The following CCDC148 variants were observed in gnomAD, a reference collection of about 807,000 sequenced individuals.
CCDC148 encodes coiled-coil domain-containing protein 148.
A neutral mutation model predicts 85.7 loss-of-function variants in CCDC148; 89 were observed. The ratio of observed to expected loss-of-function variants is 1.04; its 90% CI spans 0.87 to 1.24. The LOEUF (loss-of-function observed/expected upper bound fraction) is 1.24, where lower values mean the gene tolerates loss of function less well. Among genes scored for constraint, CCDC148 ranks in the 50% most tolerant of loss-of-function variants. The pLI, the probability that CCDC148 is intolerant of heterozygous loss-of-function variation, is 0.00. For synonymous variants in CCDC148, 230 were observed against 213.9 expected (o/e 1.08, Z -0.66); for missense variants, 692 against 671.7 (o/e 1.03, Z -0.33).
intron 1 of CCDC148, among the ~76,000 whole-genome samples, chr2:158,397,978 T>G (rs1559119570): frequency 6.6e-6 from 1 of 152,134 alleles, no homozygotes; most frequent in Non-Finnish European, 1.5e-5. Context: ...ATTACAATCC[T>G]GGTCTCTGAT....
At chr2:158,436,931 A>C (rs1320288017) in intron 1 of CCDC148, among the ~76,000 whole-genome samples, 1 of 152,252 alleles carries the variant, frequency 6.6e-6, no homozygotes, top group Non-Finnish European at 1.5e-5. Flanking sequence ...AACCAGGAAG[A>C]AGTTGAATCT....
intron 1 of CCDC148, among the ~76,000 whole-genome samples, chr2:158,422,323 G>A (rs191409418): frequency 5.3e-5 from 8 of 152,074 alleles, no homozygotes; most frequent in African/African-American, 1.9e-4. Context: ...TTCCTTTATT[G>A]AGGAAAAATC....
chr2:158,175,281 A>C (rs1397121472), intron 13 of CCDC148, among the ~76,000 whole-genome samples: 1 of 151,880 alleles, frequency 6.6e-6, no homozygotes, highest in Non-Finnish European at 1.5e-5. Flanking sequence ...ATCTAGAGAC[A>C]CCTCTTAAAC....
chr2:158,288,037 G>A (rs1271363734), intron 9 of CCDC148, among the ~76,000 whole-genome samples: 1 of 152,162 alleles, frequency 6.6e-6, no homozygotes, highest in African/African-American at 2.4e-5. Flanking sequence ...AGGCTGCCAG[G>A]GCTTGGGGCT....
At chr2:158,216,806 T>C (rs1686887840) in intron 11 of CCDC148, among the ~76,000 whole-genome samples, 1 of 152,170 alleles carries the variant, frequency 6.6e-6, no homozygotes, top group Non-Finnish European at 1.5e-5. Flanking sequence ...TTTTGTGATG[T>C]AAAAGTCAAT....
intron 7 of CCDC148, among the ~76,000 whole-genome samples, chr2:158,315,361 C>T (rs1448514639): frequency 6.6e-6 from 1 of 152,174 alleles, no homozygotes; most frequent in Admixed American, 6.5e-5. Context: ...AACATAAATG[C>T]ATTTTAATAG....
At chr2:158,328,721 T>A (rs1403027557) in intron 7 of CCDC148, among the ~76,000 whole-genome samples, 1 of 152,222 alleles carries the variant, frequency 6.6e-6, no homozygotes, top group African/African-American at 2.4e-5. Context: ...TGGTGTGAGA[T>A]GGTATCTCAT....
intron 1 of CCDC148, among the ~76,000 whole-genome samples, chr2:158,396,809 T>C (rs1353520122): frequency 1.3e-5 from 2 of 152,016 alleles, no homozygotes; most frequent in African/African-American, 2.4e-5. Context: ...ACTACTACTA[T>C]TATTATTATT....
chr2:158,273,233 G>T (rs1185234879), intron 9 of CCDC148, among the ~76,000 whole-genome samples: 1 of 152,152 alleles, frequency 6.6e-6, no homozygotes, highest in Non-Finnish European at 1.5e-5. Flanking sequence ...ATGAAGATGG[G>T]TTAAAAGTCT....
intron 9 of CCDC148, among the ~76,000 whole-genome samples, chr2:158,254,808 A>T (rs1688945514): frequency 6.6e-6 from 1 of 151,608 alleles, no homozygotes. Context: ...ATGTCCTGTG[A>T]TTTAAAGAAG....
At chr2:158,405,661 T>A (rs1218600846) in intron 1 of CCDC148, among the ~76,000 whole-genome samples, 1 of 150,960 alleles carries the variant, frequency 6.6e-6, no homozygotes, top group Non-Finnish European at 1.5e-5. Flanking sequence ...TTAATTAGCA[T>A]TAAACATTAA....
intron 1 of CCDC148, among the ~76,000 whole-genome samples, chr2:158,429,252 T>C (rs1488490212): frequency 1.3e-5 from 2 of 152,080 alleles, no homozygotes; most frequent in South Asian, 2.1e-4. Flanking sequence ...AACCTGCACA[T>C]TGAGCACATG....
chr2:158,188,480 T>TA (rs150464369), intron 11 of CCDC148, among the ~76,000 whole-genome samples: 8,338 of 151,894 alleles, frequency 0.055, 770 homozygotes, highest in African/African-American at 0.19. Context: ...GCCAACTGCC[T>TA]ATTATGGACA....
chr2:158,430,954 A>T (rs1195265639), intron 1 of CCDC148, among the ~76,000 whole-genome samples: 1 of 152,102 alleles, frequency 6.6e-6, no homozygotes, highest in African/African-American at 2.4e-5. Context: ...ATGTCATTGG[A>T]TGGAATTAAT....
intron 1 of CCDC148, among the ~76,000 whole-genome samples, chr2:158,369,744 G>T (rs879445248): frequency 4.0e-5 from 6 of 151,396 alleles, no homozygotes; most frequent in Non-Finnish European, 7.4e-5. Flanking sequence ...TCCTTGTCTT[G>T]TGCCAGTTTT....
At chr2:158,286,799 G>C (rs114496217) in intron 9 of CCDC148, among the ~76,000 whole-genome samples, 1 of 151,986 alleles carries the variant, frequency 6.6e-6, no homozygotes, top group African/African-American at 2.4e-5. Context: ...AGTAATATTA[G>C]ACATTTACCT....
intron 9 of CCDC148, among the ~76,000 whole-genome samples, chr2:158,253,365 C>T (rs1688876605): frequency 6.6e-6 from 1 of 151,666 alleles, no homozygotes; most frequent in Non-Finnish European, 1.5e-5. Context: ...ATGGCCATTC[C>T]TATTCTTAGC....
chr2:158,314,166 C>G (rs1195070608), intron 7 of CCDC148, among the ~76,000 whole-genome samples: 1 of 152,088 alleles, frequency 6.6e-6, no homozygotes, highest in Non-Finnish European at 1.5e-5. Flanking sequence ...ATAAATTATT[C>G]TTGCCTAAAA....
chr2:158,220,007 C>T (rs1281504235), intron 11 of CCDC148, among the ~76,000 whole-genome samples: 1 of 152,072 alleles, frequency 6.6e-6, no homozygotes, highest in African/African-American at 2.4e-5. Flanking sequence ...CCTAATTGAC[C>T]CTAACTGATA....
Sources: gnomAD v4.1 joint callset for allele counts (sites outside exome capture counted in the v4.1 genomes callset) on GRCh38, gnomAD v4.1.1 for gene constraint, MANE v1.5 for transcripts, NCBI Gene and HGNC (gene_info 2026-07-23, HGNC 2026-07-21) for gene names.